Variants in RC3H1 observed in about 807,000 individuals in gnomAD.
The protein encoded by RC3H1 is roquin-1.
A neutral mutation model predicts 138.2 loss-of-function variants in RC3H1; 50 were observed. The ratio of observed to expected loss-of-function variants is 0.36; its 90% CI spans 0.29 to 0.46. The LOEUF is 0.46. Among genes scored for constraint, RC3H1 ranks in the 20% least tolerant of loss-of-function variants. The pLI is 1.00. For missense variants in RC3H1, 1,031 were observed against 1,388.1 expected, an observed-to-expected ratio of 0.74 and a Z score of 4.09; for synonymous variants, 462 against 489.1, an observed-to-expected ratio of 0.94 and a Z score of 0.73.
At chr1:173,954,638 T>C (rs1659557325) in intron 13 of RC3H1, among the ~76,000 whole-genome samples, 1 of 152,248 alleles carries the variant, frequency 6.6e-6, no homozygotes, top group South Asian at 2.1e-4. Flanking sequence ...CTGATCTTTA[T>C]ATACAATTTT....
intron 8 of RC3H1, 151 bp from the exon 9 acceptor site, chr1:173,970,768 G>T: frequency 1.9e-6 from 1 of 536,004 alleles, no homozygotes; most frequent in Non-Finnish European, 3.3e-6. Context: ...AAGTCATTCT[G>T]TCTGAAGTTT....
chr1:173,965,525 C>A (rs1398507402), intron 9 of RC3H1, among the ~76,000 whole-genome samples: 1 of 150,786 alleles, frequency 6.6e-6, no homozygotes, highest in Non-Finnish European at 1.5e-5. Flanking sequence ...TGGGAGACAG[C>A]GGTTGCAGTG....
At chr1:174,007,209 G>A (rs929146219) in intron 1 of RC3H1, among the ~76,000 whole-genome samples, 2 of 152,082 alleles carry the variant, frequency 1.3e-5, no homozygotes, top group Non-Finnish European at 2.9e-5. Flanking sequence ...CTAACACGGG[G>A]AAACACCATC....
chr1:173,968,856 AT>A (rs370550482), intron 9 of RC3H1, among the ~76,000 whole-genome samples: 1,898 of 128,032 alleles, frequency 0.015, 17 homozygotes, highest in African/African-American at 0.045. Context: ...AGGAATTTTG[AT>A]TTTTTTTTTT....
At chr1:173,972,452 A>G in intron 8 of RC3H1, 57 bp downstream of exon 8, 1 of 1,191,038 alleles carries the variant, frequency 8.4e-7, no homozygotes, top group Non-Finnish European at 1.3e-6. Flanking sequence ...TGGTTTACCT[A>G]TAGTTTTAAG....
Position 174,022,078 on chromosome 1 carries a change from C to T in RC3H1, c.-151+18G>A. 1 of 396,734 alleles carries T rather than the reference C, an allele frequency of 2.5e-6. No homozygotes were observed. The highest frequency in any genetic ancestry group is 4.4e-6 in the Non-Finnish European group (1 of 225,422). 24.6% of individuals were successfully genotyped at this position (396,734 alleles called of 1,614,324 possible). On this transcript the variant is annotated intron_variant, in intron 1 of 19. Transcript: ENST00000367696. This position sits in a 1 kb window ranked among gnomAD's most constrained non-coding sequence, Gnocchi z 4.2. The stretch of plus-strand genomic sequence containing the variant: ...GCGGCAGCCCCGCTCCCCAAGTCGC[C>T]GCCCGCCGCTCGCTCACCGCGCTGG...
At chr1:173,947,789 C>T (rs539839948) in intron 14 of RC3H1, among the ~76,000 whole-genome samples, 52 of 152,132 alleles carry the variant, frequency 3.4e-4, no homozygotes, top group Admixed American at 9.2e-4. Flanking sequence ...GTGGCCCAGG[C>T]TGGAACGTAG....
chr1:173,957,281 A>G (rs6695887), intron 13 of RC3H1, among the ~76,000 whole-genome samples: 43,907 of 152,026 alleles, frequency 0.29, 11,353 homozygotes, highest in African/African-American at 0.7. Flanking sequence ...TTTCATCTTC[A>G]CCACACCACT....
At chr1:173,949,917 A>G (rs945951530) in intron 14 of RC3H1, among the ~76,000 whole-genome samples, 2 of 152,322 alleles carry the variant, frequency 1.3e-5, no homozygotes, top group East Asian at 1.9e-4. Context: ...CTGTAATCCC[A>G]GCACTTTGGG....
At chr1:173,994,022 GAA>G (rs372280833) in intron 1 of RC3H1, among the ~76,000 whole-genome samples, 3,324 of 46,922 alleles carry the variant, frequency 0.071, 113 homozygotes, top group African/African-American at 0.24. Context: ...CTCCATCTCA[GAA>G]AAAAAAAAAA....
intron 2 of RC3H1, among the ~76,000 whole-genome samples, chr1:173,988,241 T>TA (rs199849208): frequency 0.011 from 1,627 of 152,326 alleles, 120 homozygotes; most frequent in Admixed American, 0.1. Flanking sequence ...CCTCCCTCCC[T>TA]ACTCCTGAAT....
chr1:174,001,938 T>G (rs1369122919), intron 1 of RC3H1, among the ~76,000 whole-genome samples: 4 of 152,178 alleles, frequency 2.6e-5, no homozygotes, highest in African/African-American at 9.7e-5. Flanking sequence ...ATCAGGAGTA[T>G]TTTTAGTATA....
chr1:173,989,537 A>G (rs1162874806), intron 2 of RC3H1, among the ~76,000 whole-genome samples: 3 of 151,836 alleles, frequency 2.0e-5, no homozygotes, highest in Non-Finnish European at 4.4e-5. Context: ...TGTTCAACTT[A>G]TCTTTTTCTT....
chr1:173,943,350 T>C (rs1658990619), intron 18 of RC3H1, 92 bp downstream of exon 18: 1 of 1,320,972 alleles, frequency 7.6e-7, no homozygotes, highest in Non-Finnish European at 1.0e-6. Flanking sequence ...TCAGAGTGCC[T>C]TGAAGTGATG....
chr1:173,991,436 C>T (rs781139039), intron 2 of RC3H1, among the ~76,000 whole-genome samples: 14 of 152,048 alleles, frequency 9.2e-5, no homozygotes, highest in Non-Finnish European at 1.9e-4. Context: ...TTATTTTTTA[C>T]TTCTTATCTG....
chr1:173,984,260 A>G (rs774722694), intron 3 of RC3H1, among the ~76,000 whole-genome samples: 7 of 152,336 alleles, frequency 4.6e-5, no homozygotes, highest in Non-Finnish European at 7.3e-5. Context: ...TTGTGTCATG[A>G]TATTTAGCAC....
At chr1:174,007,769 A>T (rs1362230313) in intron 1 of RC3H1, among the ~76,000 whole-genome samples, 2 of 152,124 alleles carry the variant, frequency 1.3e-5, no homozygotes, top group African/African-American at 4.8e-5. Flanking sequence ...ACACAACATT[A>T]TTTTTGTTAG....
At chr1:173,985,116 G>C (rs1051502055) in intron 2 of RC3H1, among the ~76,000 whole-genome samples, 1 of 152,016 alleles carries the variant, frequency 6.6e-6, no homozygotes, top group Non-Finnish European at 1.5e-5. Flanking sequence ...TGTGTTCAAG[G>C]GTCTTCCAGG....
chr1:173,985,053 G>A (rs1660968195), intron 2 of RC3H1, among the ~76,000 whole-genome samples: 2 of 152,124 alleles, frequency 1.3e-5, no homozygotes, highest in South Asian at 4.1e-4. Context: ...TTTCATATAA[G>A]CAAAATCAAT....
Sources: gnomAD v4.1 joint callset for allele counts (sites outside exome capture counted in the v4.1 genomes callset) on GRCh38, gnomAD v4.1.1 for gene constraint, Gnocchi (gnomAD v3.1) non-coding constraint, MANE v1.5 for transcripts, NCBI Gene and HGNC (gene_info 2026-07-23, HGNC 2026-07-21) for gene names.